The following KLHDC4 variants were observed in gnomAD, a reference collection of about 807,000 sequenced individuals.
KLHDC4 encodes kelch domain-containing protein 4.
KLHDC4 carries 90 observed loss-of-function variants against 62.4 expected under a neutral mutation model. The observed-to-expected ratio is 1.44, with a 90% CI of 1.22 to 1.72. The LOEUF is 1.72. KLHDC4 is among the 40% of genes most tolerant of loss of function. The pLI is 0.00. For missense variants in KLHDC4, 1,025 were observed against 699.7 expected (o/e 1.47, Z -5.25); for synonymous variants, 386 against 284.4 (o/e 1.36, Z -3.59).
chr16:87,728,710 G>A (rs1383785761), intron 6 of KLHDC4, among the ~76,000 whole-genome samples: 1 of 152,088 alleles, frequency 6.6e-6, no homozygotes, highest in African/African-American at 2.4e-5. Context: ...GCTAGGCGCG[G>A]GGGCTCAAGC....
intron 5 of KLHDC4, among the ~76,000 whole-genome samples, chr16:87,736,420 G>A (rs1175437621): frequency 6.6e-6 from 1 of 152,202 alleles, no homozygotes; most frequent in Non-Finnish European, 1.5e-5. Flanking sequence ...GCTGAGCAAA[G>A]GAGCAATTCC....
chr16:87,753,808 A>G (rs989887912), intron 4 of KLHDC4, among the ~76,000 whole-genome samples: 9 of 64,930 alleles, frequency 1.4e-4, no homozygotes, highest in African/African-American at 6.3e-4. Context: ...TCTCAAGGAG[A>G]AAAAAAAAAA....
chr16:87,730,832 G>C (rs915195033), intron 5 of KLHDC4, 188 bp from the exon 6 acceptor site: 10 of 527,692 alleles, frequency 1.9e-5, no homozygotes, highest in Non-Finnish European at 3.3e-5. Flanking sequence ...AGCCCAGCTA[G>C]CTAAGCTCAA....
At chr16:87,709,174 G>C in intron 10 of KLHDC4, 91 bp downstream of exon 10, 2 of 1,489,124 alleles carry the variant, frequency 1.3e-6, no homozygotes, top group Middle Eastern at 2.1e-4. Flanking sequence ...GGCCGCCTCT[G>C]GGCAGCTTGC....
intron 5 of KLHDC4, among the ~76,000 whole-genome samples, chr16:87,743,984 A>G (rs1279292975): frequency 1.3e-5 from 2 of 152,028 alleles, no homozygotes; most frequent in African/African-American, 4.8e-5. Context: ...GACTTTTAAC[A>G]TTAGAATTTG....
intron 6 of KLHDC4, 104 bp downstream of exon 6, chr16:87,730,448 G>T (rs2040145469): frequency 1.0e-6 from 1 of 962,962 alleles, no homozygotes; most frequent in Non-Finnish European, 1.6e-6. Context: ...GCTGGATTTG[G>T]GAGGATGGGT....
In KLHDC4 at chr16:87,708,380, T is replaced by C. The variant is rs752028152; in HGVS notation, c.1534A>G (p.Ser512Gly). 5.5e-5 allele frequency: 88 copies of C among 1,610,372 alleles called. No individual in the cohort carries two copies. Among genetic ancestry groups the C allele is most frequent in the Non-Finnish European group, 7.0e-5 (82 of 1,179,002 alleles). Residue 512 changes from serine (S) to glycine (G), a missense_variant, in exon 11 of 12, where the codon AGC becomes GGC. Transcript: ENST00000270583. ...TCCTCCGCACCGCTCTCCTCTCCGC[T>C]GTCTTCGTCGTCGACCCCACCCTCG... The part of the protein sequence containing the change: ...GAEGGVDDED[S>G]GEESGAED
In KLHDC4 at chr16:87,718,754, G is replaced by A. The variant is rs75109410; in HGVS notation, c.760-4181C>T. Among the ~76,000 whole-genome samples the A allele has an allele frequency of 7.4e-5, 11 of 148,796 alleles. No individual in the cohort carries two copies. The South Asian group carries it at 1.1e-3, about 15-fold the overall frequency. ...TGGGAAGTGAGGAGCGCCTCTTCCC[G>A]GCCGCCATCCTGTCTGGGAAGTGAC... On this transcript the variant is annotated intron_variant, in intron 7 of 11. Coordinates refer to ENST00000270583, the MANE Select transcript of KLHDC4 (RefSeq NM_017566.4).
chr16:87,765,973 G>A lies in KLHDC4; in HGVS notation c.-83C>T, dbSNP rs1239234978. ...GCTCGGAAACAGGTGCTCGTGGGGC[G>A]GAGCTCGGCGCACAGAAATGGAGTC... On this transcript the variant is annotated 5_prime_UTR_variant, in exon 1 of 12. Transcript: ENST00000270583. 3.1e-5 allele frequency: 42 copies of A among 1,357,670 alleles called. No individual in the cohort carries two copies. The highest frequency in any genetic ancestry group is 4.0e-5 in the Non-Finnish European group (39 of 981,796). 84.1% of individuals were successfully genotyped at this position (1,357,670 alleles called of 1,614,324 possible).
chr16:87,732,646 T>A (rs1463293041), intron 5 of KLHDC4, among the ~76,000 whole-genome samples: 5 of 152,246 alleles, frequency 3.3e-5, no homozygotes, highest in Non-Finnish European at 7.3e-5. Flanking sequence ...ACCATTTTAT[T>A]CTATCAACTT....
In KLHDC4 at chr16:87,748,699, C is replaced by T. The variant is rs764757344; in HGVS notation, c.480G>A (p.Leu160=). 1.9e-6 allele frequency: 3 copies of T among 1,613,610 alleles called. No homozygotes were observed. Among genetic ancestry groups the T allele is most frequent in the Non-Finnish European group, 2.5e-6 (3 of 1,179,930 alleles). ...TGACTTGTTCCCAGGTCTTGGTGGC[C>T]AAATGCAGGACCCAGAGATCCTTGT... ...YHYKDLWVLH[L]ATKTWEQVKS... Residue 160 remains leucine, a synonymous_variant, in exon 5 of 12, where the codon TTG becomes TTA. Transcript: ENST00000270583.
chr16:87,740,021 C>CGGG (rs2042010557), intron 5 of KLHDC4, among the ~76,000 whole-genome samples: 1 of 152,142 alleles, frequency 6.6e-6, no homozygotes, highest in Admixed American at 6.5e-5. Flanking sequence ...ACCTATCGGG[C>CGGG]GGGGTCCTAA....
chr16:87,715,060 AG>A (rs2036672118), intron 7 of KLHDC4, among the ~76,000 whole-genome samples: 1 of 152,178 alleles, frequency 6.6e-6, no homozygotes, highest in Non-Finnish European at 1.5e-5. Flanking sequence ...CATGTCCCTT[AG>A]CCCTTAGTCT....
chr16:87,752,533 C>T (rs1007705533), intron 4 of KLHDC4, among the ~76,000 whole-genome samples: 1 of 152,036 alleles, frequency 6.6e-6, no homozygotes, highest in African/African-American at 2.4e-5. Flanking sequence ...GACGGGGTTT[C>T]ACCATGTTGG....
At chr16:87,724,185 T>C (rs1395767132) in intron 7 of KLHDC4, among the ~76,000 whole-genome samples, 3 of 152,134 alleles carry the variant, frequency 2.0e-5, no homozygotes. Context: ...AGTATCTACA[T>C]GGGGGAAACA....
exon 1 of KLHDC4, chr16:87,700,980 G>A (rs757083970): frequency 1.2e-4 from 25 of 214,602 alleles, no homozygotes; most frequent in Admixed American, 4.8e-4. Context: ...CAGTCGGTAC[G>A]CAGAAACTGA....
At position 87,709,622 on chromosome 16, in the gene KLHDC4, C is replaced by A. The variant is rs1423171808; in HGVS notation, c.1090G>T (p.Glu364Ter). The A allele has an allele frequency of 3.7e-6, 6 of 1,609,250 alleles. No individual in the cohort carries two copies. The highest frequency in any genetic ancestry group is 5.1e-6 in the Non-Finnish European group (6 of 1,177,896). The part of the protein sequence containing the change: ...KKKRRRGRKE[E>*]PEGGSRPACG... ...GCCGGCCTGCTACCACCTTCGGGCT[C>A]CTCTTTTCTGCCCCGCCTGCGTTTC... The change falls in exon 10 of 12, where the codon GAG becomes TAG. Residue 364 changes from glutamate to a stop codon, truncating the protein, a stop_gained. Transcript: ENST00000270583. LOFTEE classifies it high-confidence loss of function.
chr16:87,729,406 G>A (rs946818107), intron 6 of KLHDC4: 13 of 152,304 alleles, frequency 8.5e-5, no homozygotes, highest in African/African-American at 2.9e-4. Context: ...ATGAGGCCCC[G>A]GAGATACAGA....
Position 87,708,461 on chromosome 16 carries a change from G to T in KLHDC4, c.1453C>A (p.Gln485Lys). ...KALVEMDPET[Q>K]EWLEETDSEE... ...GAGTCCGTCTCCTCCAGCCACTCCT[G>T]AGTTTCTTCAAAAGCAGAATGAACG... Residue 485 changes from glutamine to lysine, a missense_variant, in exon 11 of 12, where the codon CAG becomes AAG. Transcript: ENST00000270583. 6.2e-7 allele frequency: 1 copy of T among 1,601,244 alleles called. No homozygotes were observed. Among genetic ancestry groups the T allele is most frequent in the Non-Finnish European group, 8.5e-7 (1 of 1,173,436 alleles).
Sources: gnomAD v4.1 joint callset for allele counts (sites outside exome capture counted in the v4.1 genomes callset) on GRCh38, gnomAD v4.1.1 for gene constraint, MANE v1.5 for transcripts, NCBI Gene and HGNC (gene_info 2026-07-23, HGNC 2026-07-21) for gene names.